The following RYR3 variants were observed in gnomAD, a reference collection of about 807,000 sequenced individuals.
RYR3 encodes brain ryanodine receptor-calcium release channel.
RYR3 carries 207 observed loss-of-function variants against 584.3 expected under a neutral mutation model. That is an observed-to-expected ratio of 0.35 (90% CI 0.32 to 0.40). The LOEUF is 0.40. RYR3 is among the 10% of genes least tolerant of loss of function. The pLI is 1.00. For missense variants in RYR3, 5,616 were observed against 6,089.2 expected (o/e 0.92, Z 2.59); for synonymous variants, 2,416 against 2,248.5 (o/e 1.07, Z -2.11).
At chr15:33,706,803 G>A in intron 42 of RYR3, 116 bp from the exon 43 acceptor site, 1 of 926,180 alleles carries the variant, frequency 1.1e-6, no homozygotes, top group Non-Finnish European at 1.6e-6. Flanking sequence ...CACCAGCAAT[G>A]CACAAGAGTT....
rs72425368 is a variant in RYR3 at position 33,379,666 on chromosome 15, CCTCT to C, written c.51+68589_51+68592del. 2.6e-3 allele frequency among the ~76,000 whole-genome samples: 332 copies of C among 129,346 alleles called. 3 individuals are homozygous for C. The highest frequency in any genetic ancestry group is 9.0e-3 in the African/African-American group (269 of 29,826). 84.9% of individuals were successfully genotyped at this position (129,346 alleles called of 152,430 possible). A position where few individuals can be genotyped will look rare whatever the true frequency, so the allele number is the denominator to read the frequency against. ...GTATGTGTGTGTGTGTGTGTGTGTC[CCTCT>C]CTCTCTCTCTCTCTCTCTATATATA... On this transcript the variant is annotated intron_variant, in intron 1 of 103. Transcript: ENST00000634891.
At chr15:33,747,560 G>A (rs2070865728) in intron 53 of RYR3, among the ~76,000 whole-genome samples, 1 of 151,734 alleles carries the variant, frequency 6.6e-6, no homozygotes. Flanking sequence ...GAGTAGCTGG[G>A]ACTACAGGCA....
intron 10 of RYR3, among the ~76,000 whole-genome samples, chr15:33,552,910 C>T (rs2056791720): frequency 6.6e-6 from 1 of 152,168 alleles, no homozygotes; most frequent in African/African-American, 2.4e-5. Context: ...TGCTTCCCCT[C>T]CCTGGGCGCT....
chr15:33,623,872 C>T lies in RYR3; in HGVS notation c.2423C>T (p.Pro808Leu). 6.2e-7 allele frequency: 1 copy of T among 1,613,878 alleles called. No individual in the cohort carries two copies. Among genetic ancestry groups the T allele is most frequent in the South Asian group, 1.1e-5 (1 of 91,086 alleles). The change falls in exon 20 of 104, where the codon CCT becomes CTT. Residue 808 changes from proline (P) to leucine (L), a missense_variant. Transcript: ENST00000634891. ...FKFLPPSGYAPCYEALLPKEK... is the reference protein window; with the variant it reads ...FKFLPPSGYALCYEALLPKEK... ...TTCCTGCCTCCCTCTGGCTATGCCC[C>T]TTGCTATGAAGCCTTACTTCCAAAA...
intron 38 of RYR3, among the ~76,000 whole-genome samples, chr15:33,691,323 A>C: frequency 6.6e-6 from 1 of 152,230 alleles, no homozygotes; most frequent in Non-Finnish European, 1.5e-5. Context: ...GACACATTTC[A>C]TTATAAAATA....
chr15:33,359,076 A>G (rs149486159), intron 1 of RYR3, among the ~76,000 whole-genome samples: 3,296 of 152,284 alleles, frequency 0.022, 47 homozygotes, highest in Non-Finnish European at 0.033. Context: ...CACATTCTCC[A>G]CTGTTACACC....
chr15:33,504,885 C>T lies in RYR3; in HGVS notation c.279+1147C>T, dbSNP rs79647892. Among the ~76,000 whole-genome samples, 517 of 152,306 alleles carry T rather than the reference C, an allele frequency of 3.4e-3. 7 individuals are homozygous for T. Among genetic ancestry groups the T allele is most frequent in the African/African-American group, 0.012 (491 of 41,564 alleles). On this transcript the variant is annotated intron_variant, in intron 3 of 103. Transcript: ENST00000634891. ...CCTCTCTCACTTCCCTTATGTAATC[C>T]CTACGTATCCTTCAAGGAACTAGTT... is the stretch of plus-strand genomic sequence containing the variant.
chr15:33,793,414 C>T (rs530283912), intron 67 of RYR3, among the ~76,000 whole-genome samples: 110 of 152,322 alleles, frequency 7.2e-4, no homozygotes, highest in Non-Finnish European at 1.3e-3. Context: ...AAAGTTCCAA[C>T]CCTCTTACCA....
intron 86 of RYR3, among the ~76,000 whole-genome samples, chr15:33,834,117 A>G (rs2077867907): frequency 6.6e-6 from 1 of 152,138 alleles, no homozygotes; most frequent in African/African-American, 2.4e-5. Flanking sequence ...CCCTGTCTCT[A>G]CTAAAAATAT....
rs1555547356 is a variant in RYR3 at position 33,596,496 on chromosome 15, G to GCT, written c.1789-4923_1789-4922insCT. On this transcript the variant is annotated intron_variant, in intron 16 of 103. Transcript: ENST00000634891. ...ACCAACTCAATATTGTTCTTTTTTT[G>GCT]GGGGGGGGGGATTTCTGACTTCTTT... Among the ~76,000 whole-genome samples the GCT allele has an allele frequency of 7.8e-3, 105 of 13,420 alleles. 1 individual carries two copies. Among genetic ancestry groups the GCT allele is most frequent in the Non-Finnish European group, 0.012 (78 of 6,542 alleles). The allele number at this position is 13,420 out of a possible 152,430, so 8.8% of individuals were successfully genotyped here. A position where few individuals can be genotyped will look rare whatever the true frequency, so the allele number is the denominator to read the frequency against.
rs1445935912 is a variant in RYR3, at chr15:33,660,379, G to A, written c.4578G>A (p.Leu1526=). 3 of 1,585,282 alleles carry A rather than the reference G, an allele frequency of 1.9e-6. No homozygotes were observed. The highest frequency in any genetic ancestry group is 2.6e-6 in the Non-Finnish European group (3 of 1,166,094). The change falls in exon 34 of 104, where the codon CTG becomes CTA. Residue 1526 remains leucine, a synonymous_variant. Transcript: ENST00000634891. ...SERHGWVVQC[L]EPLQMMALHI... ...GCCACGGCTGGGTGGTGCAGTGCCT[G>A]GAGCCCCTGCAGATGATGGCGCTCC...
chr15:33,689,006 A>G (rs2065216251), intron 38 of RYR3, among the ~76,000 whole-genome samples: 1 of 152,186 alleles, frequency 6.6e-6, no homozygotes. Flanking sequence ...CTAGATTAAG[A>G]AAATGTGGCA....
chr15:33,618,681 C>A (rs1056058954), intron 19 of RYR3, among the ~76,000 whole-genome samples: 1 of 152,194 alleles, frequency 6.6e-6, no homozygotes, highest in African/African-American at 2.4e-5. Context: ...TATCCCAGCT[C>A]TCTGGGAGGA....
chr15:33,477,811 G>T (rs112033382), intron 2 of RYR3, among the ~76,000 whole-genome samples: 1 of 114,202 alleles, frequency 8.8e-6, no homozygotes, highest in Non-Finnish European at 1.6e-5. Context: ...GGAGGCGGAG[G>T]TTGCAGTGAG....
At chr15:33,350,468 C>G (rs1353642848) in intron 1 of RYR3, among the ~76,000 whole-genome samples, 1 of 151,604 alleles carries the variant, frequency 6.6e-6, no homozygotes, top group Non-Finnish European at 1.5e-5. Context: ...TTTTTTTCAG[C>G]ACCACACCAC....
In RYR3 at chr15:33,390,372, A is replaced by G. The variant is rs1251669792; in HGVS notation, c.51+79276A>G. On this transcript the variant is annotated intron_variant, in intron 1 of 103. Transcript: ENST00000634891. This position sits in a 1 kb window ranked among gnomAD's most constrained non-coding sequence, Gnocchi z 4.2. ...ATTTCACCTGACCTATTGAACACTAATATTTCCAAACACTGATATTTCCAA... is the reference window on the plus strand; with the variant it reads ...ATTTCACCTGACCTATTGAACACTAGTATTTCCAAACACTGATATTTCCAA... Among the ~76,000 whole-genome samples, 2 of 152,236 alleles carry G rather than the reference A, an allele frequency of 1.3e-5. No homozygotes were observed. Among genetic ancestry groups the G allele is most frequent in the Non-Finnish European group, 2.9e-5 (2 of 68,044 alleles).
chr15:33,705,557 G>A (rs993791895), intron 42 of RYR3, among the ~76,000 whole-genome samples: 14 of 152,204 alleles, frequency 9.2e-5, no homozygotes, highest in Non-Finnish European at 4.4e-5. Flanking sequence ...TTAATCAAAG[G>A]TATATTTGCC....
At chr15:33,860,777 T>G in intron 101 of RYR3, 118 bp downstream of exon 101, 1 of 812,222 alleles carries the variant, frequency 1.2e-6, no homozygotes, top group African/African-American at 1.7e-5. Flanking sequence ...GAACGCAGTT[T>G]GTTTTCCATG....
At chr15:33,474,837 A>G (rs554896101) in intron 2 of RYR3, among the ~76,000 whole-genome samples, 5 of 152,318 alleles carry the variant, frequency 3.3e-5, no homozygotes, top group African/African-American at 1.2e-4. Flanking sequence ...GTCCAGGGTG[A>G]TGGCCACGTC....
Sources: gnomAD v4.1 joint callset for allele counts (sites outside exome capture counted in the v4.1 genomes callset) on GRCh38, gnomAD v4.1.1 for gene constraint, Gnocchi (gnomAD v3.1) non-coding constraint, MANE v1.5 for transcripts, NCBI Gene and HGNC (gene_info 2026-07-23, HGNC 2026-07-21) for gene names.